MRC1: variants seen among roughly 807,000 people sequenced by gnomAD.
MRC1 encodes macrophage mannose receptor 1.
In MRC1, 62 loss-of-function variants were observed where a neutral mutation model predicts 102.9. The observed-to-expected ratio is 0.60, with a 90% CI of 0.49 to 0.74. The LOEUF (loss-of-function observed/expected upper bound fraction) is 0.74, where lower values mean the gene tolerates loss of function less well. MRC1 is among the 30% of genes least tolerant of loss of function. The probability of loss-of-function intolerance (pLI) is 0.00; values close to 1 mark genes in which losing one functional copy is unlikely to be tolerated. For missense variants in MRC1, 1,237 were observed against 862.8 expected, an observed-to-expected ratio of 1.43 and a Z score of -5.43; for synonymous variants, 457 against 298.4, an observed-to-expected ratio of 1.53 and a Z score of -5.48.
chr10:17,840,442 C>G (rs1033071189), intron 4 of MRC1, among the ~76,000 whole-genome samples: 2 of 152,188 alleles, frequency 1.3e-5, no homozygotes, highest in African/African-American at 4.8e-5. Flanking sequence ...CTCATTAGAT[C>G]TGGGTTGGAA....
chr10:17,814,013 T>C (rs1838268204), intron 1 of MRC1, among the ~76,000 whole-genome samples: 1 of 152,154 alleles, frequency 6.6e-6, no homozygotes, highest in Non-Finnish European at 1.5e-5. Context: ...GTTTTGACAG[T>C]TGTGCAGCTT....
Position 17,871,522 on chromosome 10 carries a change from A to C in MRC1, c.2200-460A>C, listed in dbSNP as rs1054598223. Reference sequence around the variant, plus strand: ...GCAAAGTTTAGTAGCTGTTAGCAATATTTTCTGGGTCTTTTTCTTTTGCAA... The same window carrying C: ...GCAAAGTTTAGTAGCTGTTAGCAATCTTTTCTGGGTCTTTTTCTTTTGCAA... On this transcript the variant is annotated intron_variant, in intron 14 of 29. Coordinates refer to ENST00000569591, the MANE Select transcript of MRC1 (RefSeq NM_002438.4). Among the ~76,000 whole-genome samples, 40 of 152,252 alleles carry C rather than the reference A, an allele frequency of 2.6e-4. No homozygotes were observed. The East Asian group carries it at 6.6e-3, about 25-fold the overall frequency.
intron 1 of MRC1, among the ~76,000 whole-genome samples, chr10:17,817,844 T>G (rs1248597313): frequency 6.6e-6 from 1 of 152,210 alleles, no homozygotes; most frequent in Non-Finnish European, 1.5e-5. Flanking sequence ...ACAAGCTGCC[T>G]TTTGGCCAAC....
In MRC1 at chr10:17,851,055, T is replaced by C. The variant is rs900978513; in HGVS notation, c.1249+1291T>C. On this transcript the variant is annotated intron_variant, in intron 7 of 29. Coordinates refer to ENST00000569591, the MANE Select transcript of MRC1 (RefSeq NM_002438.4). The stretch of plus-strand genomic sequence containing the variant: ...CTGAATAACAATTACTTAAATTTAG[T>C]GTGGCACTTATAGCCAGTAAAGTTT... Among the ~76,000 whole-genome samples the C allele has an allele frequency of 2.6e-5, 4 of 152,330 alleles. No individual in the cohort carries two copies. In the East Asian group the frequency reaches 7.7e-4, roughly 29 times the overall value.
chr10:17,849,556 C>CTAA (rs2130641738), intron 6 of MRC1, 23 bp from the exon 7 acceptor site: 3 of 671,780 alleles, frequency 4.5e-6, no homozygotes, highest in South Asian at 4.4e-5. Context: ...AAATTTTTTT[C>CTAA]CGACCCCCCT....
chr10:17,873,884 T>C, intron 16 of MRC1, 59 bp downstream of exon 16: 1 of 862,376 alleles, frequency 1.2e-6, no homozygotes, highest in Non-Finnish European at 2.0e-6. Flanking sequence ...GCCTCTTTCC[T>C]TTCTCAATGA....
chr10:17,809,563 G>C, intron 1 of MRC1, 37 bp downstream of exon 1: 4 of 871,760 alleles, frequency 4.6e-6, no homozygotes, highest in Middle Eastern at 2.2e-4. Flanking sequence ...TCTGACCTGG[G>C]GGGCCGGAAC....
chr10:17,862,669 GT>G (rs1476596906), intron 10 of MRC1, among the ~76,000 whole-genome samples: 3 of 152,106 alleles, frequency 2.0e-5, no homozygotes, highest in African/African-American at 7.2e-5. Context: ...TTTTTGGTTT[GT>G]TTTGTTTAGG....
intron 18 of MRC1, among the ~76,000 whole-genome samples, chr10:17,879,500 C>T (rs3740154): frequency 1.3e-5 from 2 of 152,240 alleles, no homozygotes; most frequent in Non-Finnish European, 2.9e-5. Flanking sequence ...ATTACAGGAG[C>T]CCACAACCAT....
rs920986165 is a variant in MRC1 at position 17,869,909 on chromosome 10, A to G, written c.1984-337A>G. 2.6e-5 allele frequency among the ~76,000 whole-genome samples: 4 copies of G among 152,238 alleles called. No homozygotes were observed. The South Asian group carries it at 6.2e-4, about 24-fold the overall frequency. The stretch of plus-strand genomic sequence containing the variant: ...GTGTCTTTCATTTCTTTCCATCTCA[A>G]TGCCACTTTTTACACTTAACCAAAT... On this transcript the variant is annotated intron_variant, in intron 12 of 29. Coordinates refer to ENST00000569591, the MANE Select transcript of MRC1 (RefSeq NM_002438.4).
intron 28 of MRC1, 69 bp downstream of exon 28, chr10:17,907,767 G>A (rs1833915390): frequency 1.3e-6 from 1 of 772,930 alleles, no homozygotes; most frequent in South Asian, 1.4e-5. Flanking sequence ...AAGATATCAG[G>A]TATGGAATCA....
intron 17 of MRC1, among the ~76,000 whole-genome samples, chr10:17,875,785 G>C (rs1833428403): frequency 6.6e-6 from 1 of 152,158 alleles, no homozygotes; most frequent in African/African-American, 2.4e-5. Flanking sequence ...ATACCCAGTA[G>C]TGGGATTGCT....
chr10:17,842,255 C>T (rs1838763174), intron 5 of MRC1, among the ~76,000 whole-genome samples: 2 of 152,080 alleles, frequency 1.3e-5, no homozygotes, highest in Admixed American at 6.6e-5. Flanking sequence ...TGAGCCACTG[C>T]GCCTGGCGAA....
chr10:17,816,153 G>T (rs1838308533), intron 1 of MRC1, among the ~76,000 whole-genome samples: 2 of 152,186 alleles, frequency 1.3e-5, no homozygotes, highest in African/African-American at 2.4e-5. Context: ...ATAGCTTCTT[G>T]AATGTACTAG....
Position 17,833,738 on chromosome 10 carries a change from C to T in MRC1, c.701C>T (p.Ser234Phe). ...ACCAGCGTTTCCTACCAGATAAACT[C>T]CAAATCCGCTTTAACGTGGCACCAG... ...PLTSVSYQIN[S>F]KSALTWHQAR... The change falls in exon 4 of 30, where the codon TCC (serine) becomes TTC (phenylalanine). Residue 234 changes from serine to phenylalanine, a missense_variant. By Grantham distance (155) the Ser-to-Phe change is radical (BLOSUM62 -2). Coordinates refer to ENST00000569591, the MANE Select transcript of MRC1 (RefSeq NM_002438.4). The T allele has an allele frequency of 1.3e-6, 1 of 781,036 alleles. No homozygotes were observed. The highest frequency in any genetic ancestry group is 2.4e-6 in the Non-Finnish European group (1 of 418,126). 48.4% of individuals were successfully genotyped at this position (781,036 alleles called of 1,614,324 possible).
Position 17,875,056 on chromosome 10 carries a change from T to A in MRC1, c.2387-34T>A, listed in dbSNP as rs987906183. 3.8e-6 allele frequency: 3 copies of A among 780,732 alleles called. No individual in the cohort carries two copies. The East Asian group carries it at 7.3e-5, about 19-fold the overall frequency. The allele number at this position is 780,732 out of a possible 1,614,324, so 48.4% of individuals were successfully genotyped here. ...CACCAGATTCTTGAATTTGTCTGCA[T>A]AAAACTCATTGCCTTTTCTCATTAA... On this transcript the variant is annotated intron_variant, in intron 16 of 29. Transcript: ENST00000569591.
intron 14 of MRC1, among the ~76,000 whole-genome samples, chr10:17,871,600 C>T (rs1833355510): frequency 6.6e-6 from 1 of 152,130 alleles, no homozygotes; most frequent in African/African-American, 2.4e-5. Flanking sequence ...AGAAAACTTC[C>T]AATAACGCAC....
rs934857834 is a variant in MRC1, at chr10:17,829,151, T to C, written c.637+1436T>C. On this transcript the variant is annotated intron_variant, in intron 3 of 29. Transcript: ENST00000569591. ...GAGCATTCGATATGGTCTGGGATGA[T>C]TGTGACACCACCTGAGTAACAATAG... 2.9e-3 allele frequency among the ~76,000 whole-genome samples: 436 copies of C among 151,616 alleles called. 26 individuals carry two copies. The highest frequency in any genetic ancestry group is 9.9e-3 in the African/African-American group (403 of 40,906).
At chr10:17,844,586 T>C (rs1838798364) in intron 5 of MRC1, among the ~76,000 whole-genome samples, 2 of 152,320 alleles carry the variant, frequency 1.3e-5, no homozygotes, top group South Asian at 2.1e-4. Flanking sequence ...ATTCTACTTG[T>C]AGATTCAGAG....
Sources: gnomAD v4.1 joint callset for allele counts (sites outside exome capture counted in the v4.1 genomes callset) on GRCh38, gnomAD v4.1.1 for gene constraint, MANE v1.5 for transcripts, NCBI Gene and HGNC (gene_info 2026-07-23, HGNC 2026-07-21) for gene names.